Variants in DNAH9 observed in about 807,000 individuals in gnomAD.
DNAH9 encodes DNAH9 variant protein.
In DNAH9, 345 loss-of-function variants were observed where a neutral mutation model predicts 471.6. The observed-to-expected ratio is 0.73, with a 90% CI of 0.67 to 0.80. DNAH9 has a LOEUF of 0.80. Among genes scored for constraint, DNAH9 ranks in the 30% least tolerant of loss-of-function variants. The pLI is 0.00. For synonymous variants in DNAH9, 2,093 were observed against 2,123.6 expected (o/e 0.99, Z 0.40); for missense variants, 5,407 against 5,609.2 (o/e 0.96, Z 1.15).
chr17:11,810,365 A>G lies in DNAH9; in HGVS notation c.8703A>G (p.Ala2901=), dbSNP rs762795439. Residue 2901 remains alanine, a synonymous_variant, in exon 45 of 69, where the codon GCA becomes GCG. Coordinates refer to ENST00000262442, the MANE Select transcript of DNAH9 (RefSeq NM_001372.4). ...RFLVLINDLL[A]SGEIPDLYSD... is the part of the protein sequence containing the mutation. ...TTGTGCTCATCAATGATCTTTTGGC[A>G]TCTGGTAAGAGATTCCTTGCACTTG... is the stretch of plus-strand genomic sequence containing the variant. The G allele has an allele frequency of 6.2e-7, 1 of 1,612,046 alleles. No homozygotes were observed. Among genetic ancestry groups the G allele is most frequent in the Admixed American group, 1.7e-5 (1 of 59,606 alleles).
At chr17:11,865,680 T>G (rs1227695968) in intron 50 of DNAH9, among the ~76,000 whole-genome samples, 1 of 152,050 alleles carries the variant, frequency 6.6e-6, no homozygotes, top group Non-Finnish European at 1.5e-5. Context: ...ATTTGGTCTT[T>G]TCACATAGTC....
intron 67 of DNAH9, among the ~76,000 whole-genome samples, chr17:11,948,456 C>G (rs1975228726): frequency 6.6e-6 from 1 of 151,650 alleles, no homozygotes; most frequent in African/African-American, 2.4e-5. Context: ...TCTCGAACCC[C>G]TGACCTCAAG....
intron 61 of DNAH9, among the ~76,000 whole-genome samples, chr17:11,914,111 A>G (rs1436381663): frequency 6.6e-6 from 1 of 152,214 alleles, no homozygotes; most frequent in Non-Finnish European, 1.5e-5. Flanking sequence ...ATCAAATGTC[A>G]TAATCTTTAG....
intron 19 of DNAH9, among the ~76,000 whole-genome samples, chr17:11,681,967 A>G (rs1420456179): frequency 2.0e-5 from 3 of 152,156 alleles, no homozygotes; most frequent in Non-Finnish European, 2.9e-5. Context: ...TGTCCACCAC[A>G]TATAGTTGTG....
chr17:11,811,292 G>A (rs975909868), intron 45 of DNAH9, among the ~76,000 whole-genome samples: 20 of 151,666 alleles, frequency 1.3e-4, no homozygotes, highest in Admixed American at 1.3e-4. Context: ...CAGCCTGGGC[G>A]ACAGAGCGAG....
rs1967454807 is a variant in DNAH9, at chr17:11,757,623, CAG to C, written c.6933_6934del (p.Arg2311SerfsTer23). On this transcript the variant is annotated frameshift_variant, in exon 35 of 69. Coordinates refer to ENST00000262442, the MANE Select transcript of DNAH9 (RefSeq NM_001372.4). LOFTEE classifies it high-confidence loss of function. ...TGGATTGAGAAGAGGGAAATCCAGA[CAG>C]AGAGAGCCAACTTAACCATTTTGTT... 2.5e-6 allele frequency: 4 copies of C among 1,614,112 alleles called. No homozygotes were observed. The highest frequency in any genetic ancestry group is 3.4e-6 in the Non-Finnish European group (4 of 1,179,984).
chr17:11,930,765 C>CAAAAAAA lies in DNAH9; in HGVS notation c.12105+683_12105+689dup, dbSNP rs11371438. On this transcript the variant is annotated intron_variant, in intron 63 of 68. Transcript: ENST00000262442. ...GGGCGACAGAGTGAGACTCCATCTC[C>CAAAAAAA]AAAAAAAAAAAAAAAAATTGCAGAT... 8.0e-5 allele frequency among the ~76,000 whole-genome samples: 10 copies of CAAAAAAA among 125,174 alleles called. 1 individual carries two copies. The highest frequency in any genetic ancestry group is 7.1e-4 in the East Asian group (3 of 4,232). 82.1% of individuals were successfully genotyped at this position (125,174 alleles called of 152,430 possible). A position where few individuals can be genotyped will look rare whatever the true frequency, so the allele number is the denominator to read the frequency against.
rs1193246497 is a variant in DNAH9 at position 11,762,770 on chromosome 17, G to GTTTGTTTTTTTTTTTTTTTTTTTTTTTT, written c.6996-667_6996-666insGTTTTTTTTTTTTTTTTTTTTTTTTTTT. 1.1e-4 allele frequency among the ~76,000 whole-genome samples: 10 copies of GTTTGTTTTTTTTTTTTTTTTTTTTTTTT among 90,782 alleles called. 2 individuals carry two copies. The highest frequency in any genetic ancestry group is 2.2e-4 in the Non-Finnish European group (10 of 45,766). The allele number at this position is 90,782 out of a possible 152,430, so 59.6% of individuals were successfully genotyped here. On this transcript the variant is annotated intron_variant, in intron 35 of 68. Transcript: ENST00000262442. Reference sequence around the variant, plus strand: ...CCTCTTTAGGTGCGTTTTTTTTTTTGTTTTTTTTTTTTTTTTTTTTTTTTT... The same window carrying GTTTGTTTTTTTTTTTTTTTTTTTTTTTT: ...CCTCTTTAGGTGCGTTTTTTTTTTTGTTTGTTTTTTTTTTTTTTTTTTTTTTTTTTTTTTTTTTTTTTTTTTTTTTTTT...
intron 42 of DNAH9, among the ~76,000 whole-genome samples, chr17:11,796,663 G>GA (rs1322391386): frequency 6.7e-6 from 1 of 150,036 alleles, no homozygotes; most frequent in East Asian, 2.1e-4. Flanking sequence ...ACTTTAGGAG[G>GA]AAAAAACGAC....
At chr17:11,942,154 G>A (rs1036987168) in intron 66 of DNAH9, 149 bp from the exon 67 acceptor site, 29 of 1,142,886 alleles carry the variant, frequency 2.5e-5, no homozygotes, top group Non-Finnish European at 3.3e-5. Flanking sequence ...AGTTGACCTC[G>A]ACAAGCAGGC....
chr17:11,606,912 G>A (rs1055676370), intron 1 of DNAH9, among the ~76,000 whole-genome samples: 2 of 152,174 alleles, frequency 1.3e-5, no homozygotes, highest in African/African-American at 2.4e-5. Flanking sequence ...GCAGAAAAGA[G>A]AAGGTGTCTC....
chr17:11,942,991 G>C (rs12949637), intron 67 of DNAH9, among the ~76,000 whole-genome samples: 41,146 of 150,518 alleles, frequency 0.27, 5,985 homozygotes, highest in Middle Eastern at 0.35. Flanking sequence ...CACCTCCTGG[G>C]TTCACGCCAT....
Position 11,769,194 on chromosome 17 carries a change from C to A in DNAH9, c.7417C>A (p.Pro2473Thr). The change falls in exon 38 of 69, where the codon CCT (proline) becomes ACT (threonine). Residue 2473 changes from proline (P) to threonine (T), a missense_variant. By Grantham distance (38) the Pro-to-Thr change is conservative (BLOSUM62 -1). This residue lies in a region of DNAH9 where 4,636 missense variants were observed against 4,900.3 expected (regional missense o/e 0.95). Coordinates refer to ENST00000262442, the MANE Select transcript of DNAH9 (RefSeq NM_001372.4). ...GGAGCGGTTGATGGCGCGGCAGCGG[C>A]CTGTCATGCTGGTGGGCACGGCTGG... ...FMERLMARQR[P>T]VMLVGTAGTG... 1 of 1,614,178 alleles carries A rather than the reference C, an allele frequency of 6.2e-7. No individual in the cohort carries two copies. Among genetic ancestry groups the A allele is most frequent in the Non-Finnish European group, 8.5e-7 (1 of 1,180,040 alleles).
intron 23 of DNAH9, 50 bp from the exon 24 acceptor site, chr17:11,701,072 T>C: frequency 6.2e-7 from 1 of 1,609,428 alleles, no homozygotes; most frequent in East Asian, 2.2e-5. Context: ...TATGTAGGAC[T>C]AACCAAAACT....
chr17:11,736,661 C>G (rs2075352808), intron 28 of DNAH9, among the ~76,000 whole-genome samples: 1 of 152,200 alleles, frequency 6.6e-6, no homozygotes, highest in South Asian at 2.1e-4. Context: ...CACCGATGCT[C>G]CAACATTAAC....
chr17:11,822,788 T>C lies in DNAH9; in HGVS notation c.9013-13T>C, dbSNP rs375339413. 3 of 1,613,710 alleles carry C rather than the reference T, an allele frequency of 1.9e-6. No homozygotes were observed. The highest frequency in any genetic ancestry group is 2.5e-6 in the Non-Finnish European group (3 of 1,179,644). ...ACAAGATAATCTTTTCATTTCTTGC[T>C]CTTTGGTTTTAGCCCACAGTAAAGC... On this transcript the variant is annotated splice_polypyrimidine_tract_variant and intron_variant, in intron 47 of 68. Coordinates refer to ENST00000262442, the MANE Select transcript of DNAH9 (RefSeq NM_001372.4).
chr17:11,629,024 G>A (rs931256558), intron 6 of DNAH9, among the ~76,000 whole-genome samples: 21 of 151,508 alleles, frequency 1.4e-4, no homozygotes, highest in African/African-American at 4.6e-4. Flanking sequence ...AGCAACCACC[G>A]CCCCCATGGT....
At chr17:11,928,597 G>A (rs536982947) in intron 62 of DNAH9, among the ~76,000 whole-genome samples, 6 of 152,354 alleles carry the variant, frequency 3.9e-5, no homozygotes, top group Non-Finnish European at 5.9e-5. Flanking sequence ...TAGATAGACA[G>A]ACAGCAATCA....
intron 6 of DNAH9, among the ~76,000 whole-genome samples, chr17:11,622,223 A>G (rs962737512): frequency 2.0e-5 from 3 of 152,232 alleles, no homozygotes; most frequent in African/African-American, 7.2e-5. Flanking sequence ...GCCAGGGAAG[A>G]CAAAGATGGG....
Sources: gnomAD v4.1 joint callset for allele counts (sites outside exome capture counted in the v4.1 genomes callset) on GRCh38, gnomAD v4.1.1 for gene constraint, gnomAD v4.1.1 regional missense constraint, MANE v1.5 for transcripts, NCBI Gene and HGNC (gene_info 2026-07-23, HGNC 2026-07-21) for gene names.